TANC2: variants seen among roughly 807,000 people sequenced by gnomAD.
The protein encoded by TANC2 is protein TANC2.
TANC2 carries 26 observed loss-of-function variants against 210.5 expected under a neutral mutation model. That is an observed-to-expected ratio of 0.12 (90% CI 0.09 to 0.17). The LOEUF (loss-of-function observed/expected upper bound fraction) is 0.17. Ranked by LOEUF, TANC2 falls within the 10% of genes least tolerant of loss-of-function variation. The pLI is 1.00. For missense variants in TANC2, 2,129 were observed against 2,608.9 expected, an observed-to-expected ratio of 0.82 and a Z score of 4.01; for synonymous variants, 931 against 967.1, an observed-to-expected ratio of 0.96 and a Z score of 0.69.
chr17:63,045,895 C>T (rs2035359252), intron 2 of TANC2, among the ~76,000 whole-genome samples: 1 of 152,094 alleles, frequency 6.6e-6, no homozygotes, highest in South Asian at 2.1e-4. Context: ...CCCACATTAG[C>T]CTTCCAAGTA....
intron 5 of TANC2, among the ~76,000 whole-genome samples, chr17:63,156,553 T>G (rs2039846481): frequency 6.6e-6 from 1 of 152,118 alleles, no homozygotes; most frequent in South Asian, 2.1e-4. Context: ...GGATATGAAG[T>G]CTAAAGTAGA....
At chr17:63,408,520 A>G (rs1045067119) in intron 21 of TANC2, among the ~76,000 whole-genome samples, 2 of 152,376 alleles carry the variant, frequency 1.3e-5, no homozygotes, top group Non-Finnish European at 2.9e-5. Flanking sequence ...TACTTTGTCC[A>G]GGAAATTTAT....
At chr17:63,377,201 G>A (rs985658158) in intron 14 of TANC2, among the ~76,000 whole-genome samples, 3 of 152,118 alleles carry the variant, frequency 2.0e-5, no homozygotes, top group Admixed American at 1.3e-4. Flanking sequence ...AACCTTCAAC[G>A]TGCCCTGGAG....
At chr17:63,303,188 A>G (rs1432004113) in intron 9 of TANC2, among the ~76,000 whole-genome samples, 2 of 152,122 alleles carry the variant, frequency 1.3e-5, no homozygotes, top group Admixed American at 1.3e-4. Flanking sequence ...CAATTTCTTC[A>G]TGGTGTCATT....
intron 15 of TANC2, among the ~76,000 whole-genome samples, chr17:63,383,948 T>C (rs1406502667): frequency 6.6e-6 from 1 of 152,180 alleles, no homozygotes; most frequent in African/African-American, 2.4e-5. Flanking sequence ...TTCCACATCA[T>C]TAATTTAAAG....
In TANC2 at chr17:63,151,171, T is replaced by G. The variant is rs1259026023; in HGVS notation, c.323-99T>G. 1.0e-5 allele frequency: 5 copies of G among 481,662 alleles called. 1 individual carries two copies. The highest frequency in any genetic ancestry group is 2.1e-5 in the African/African-American group (1 of 47,462). 29.8% of individuals were successfully genotyped at this position (481,662 alleles called of 1,614,324 possible). On this transcript the variant is annotated intron_variant, in intron 4 of 27. Coordinates refer to ENST00000689528, the Ensembl canonical transcript of TANC2. ...ACCCCTCTATGTTTCTCTCTTTCCCTTTTTCCTTCTCTTTCCCTGTTTCTC... is the reference window on the plus strand; with the variant it reads ...ACCCCTCTATGTTTCTCTCTTTCCCGTTTTCCTTCTCTTTCCCTGTTTCTC...
intron 9 of TANC2, among the ~76,000 whole-genome samples, chr17:63,292,116 A>T (rs958099266): frequency 6.6e-6 from 1 of 152,186 alleles, no homozygotes; most frequent in Non-Finnish European, 1.5e-5. Flanking sequence ...TAACTCTTCT[A>T]AGTTGTTGGA....
exon 10 of TANC2, chr17:63,314,536 G>C (rs2045250979): frequency 1.2e-6 from 2 of 1,613,962 alleles, no homozygotes; most frequent in African/African-American, 2.7e-5. Context: ...ATGCCAGCGT[G>C]AACCAAGGAG....
At chr17:63,009,686 G>T in intron 2 of TANC2, 60 bp downstream of exon 2, 1 of 1,435,704 alleles carries the variant, frequency 7.0e-7, no homozygotes, top group Non-Finnish European at 9.8e-7. Context: ...TTCTTTTAGG[G>T]TCCTGAATTA....
At chr17:63,376,781 G>A (rs911273368) in intron 14 of TANC2, among the ~76,000 whole-genome samples, 5 of 150,242 alleles carry the variant, frequency 3.3e-5, no homozygotes, top group South Asian at 2.1e-4. Flanking sequence ...GGGTTCTTTC[G>A]AACTCATAAA....
chr17:63,107,397 A>G (rs1341356443), intron 4 of TANC2, among the ~76,000 whole-genome samples: 2 of 151,692 alleles, frequency 1.3e-5, no homozygotes, highest in Admixed American at 6.6e-5. Flanking sequence ...GTTTTATTTG[A>G]TATTTTATGC....
chr17:63,392,714 C>A (rs927562876), intron 17 of TANC2, among the ~76,000 whole-genome samples: 1 of 152,120 alleles, frequency 6.6e-6, no homozygotes, highest in East Asian at 1.9e-4. Flanking sequence ...AAATGATACA[C>A]GTTTGAGGTG....
At chr17:63,006,267 AT>A (rs1366849003) in intron 1 of TANC2, among the ~76,000 whole-genome samples, 1 of 150,648 alleles carries the variant, frequency 6.6e-6, no homozygotes, top group Non-Finnish European at 1.5e-5. Context: ...TATTTCATTC[AT>A]TTTTTTCTTT....
In TANC2 at chr17:63,236,715, A is replaced by C. The variant is rs144251136; in HGVS notation, c.770-1099A>C. 2.4e-3 allele frequency among the ~76,000 whole-genome samples: 365 copies of C among 151,448 alleles called. 9 individuals carry two copies. The highest frequency in any genetic ancestry group is 0.021 in the Admixed American group (324 of 15,216). On this transcript the variant is annotated intron_variant, in intron 7 of 27. Transcript: ENST00000689528. ...CCATTTTCTACTTCAATATGTGCAC[A>C]TTTTTTTTAGCACCCACCTGTGAGT...
chr17:63,247,129 G>A (rs528072970), intron 8 of TANC2, among the ~76,000 whole-genome samples: 1 of 152,002 alleles, frequency 6.6e-6, no homozygotes, highest in South Asian at 2.1e-4. Context: ...TTCATATTGG[G>A]TTATTTTCTT....
chr17:63,286,611 G>C (rs1267637237), intron 9 of TANC2, among the ~76,000 whole-genome samples: 1 of 152,086 alleles, frequency 6.6e-6, no homozygotes, highest in African/African-American at 2.4e-5. Context: ...TAAACTTGAG[G>C]TTTATTGAAC....
At chr17:63,031,613 C>T (rs904416985) in intron 2 of TANC2, among the ~76,000 whole-genome samples, 3 of 152,068 alleles carry the variant, frequency 2.0e-5, no homozygotes, top group Non-Finnish European at 4.4e-5. Context: ...GATTCATGCT[C>T]TAAGGATGAG....
chr17:63,316,035 C>G (rs1439721137), intron 10 of TANC2, among the ~76,000 whole-genome samples: 1 of 152,186 alleles, frequency 6.6e-6, no homozygotes, highest in Non-Finnish European at 1.5e-5. Flanking sequence ...ATTGACTAGA[C>G]TTTGTGAACT....
At chr17:63,355,526 C>T in intron 14 of TANC2, 136 bp downstream of exon 14, 1 of 1,016,146 alleles carries the variant, frequency 9.8e-7, no homozygotes, top group Non-Finnish European at 1.4e-6. Context: ...CTTCTCAAGG[C>T]AAGGCTATAA....
Sources: gnomAD v4.1 joint callset for allele counts (sites outside exome capture counted in the v4.1 genomes callset) on GRCh38, gnomAD v4.1.1 for gene constraint, MANE v1.5 for transcripts, NCBI Gene and HGNC (gene_info 2026-07-23, HGNC 2026-07-21) for gene names.